Variants in VPS13B observed in about 807,000 individuals in gnomAD.
VPS13B encodes the protein intermembrane lipid transfer protein VPS13B.
VPS13B carries 285 observed loss-of-function variants against 426.4 expected under a neutral mutation model. The ratio of observed to expected loss-of-function variants is 0.67; its 90% CI spans 0.61 to 0.74. The LOEUF is 0.74. Ranked by LOEUF, VPS13B falls within the 30% of genes least tolerant of loss-of-function variation. The pLI is 0.00. For synonymous variants in VPS13B, 1,676 were observed against 1,676.4 expected, an observed-to-expected ratio of 1.00 and a Z score of 0.01; for missense variants, 4,537 against 4,782.6, an observed-to-expected ratio of 0.95 and a Z score of 1.51.
chr8:99,843,023 A>G (rs529699765), intron 54 of VPS13B, among the ~76,000 whole-genome samples: 1 of 152,052 alleles, frequency 6.6e-6, no homozygotes, highest in African/African-American at 2.4e-5. Flanking sequence ...CATGGTGGCA[A>G]ACGCCTGTAA....
intron 19 of VPS13B, among the ~76,000 whole-genome samples, chr8:99,336,675 A>G (rs952071258): frequency 6.6e-6 from 1 of 152,248 alleles, no homozygotes; most frequent in Non-Finnish European, 1.5e-5. Flanking sequence ...AGAAAAAATC[A>G]AATAACCCCA....
intron 40 of VPS13B, among the ~76,000 whole-genome samples, chr8:99,773,821 G>A (rs1490036885): frequency 1.3e-5 from 2 of 152,152 alleles, no homozygotes; most frequent in Non-Finnish European, 2.9e-5. Flanking sequence ...TCTGGGAAAA[G>A]GGGAAATATT....
intron 25 of VPS13B, among the ~76,000 whole-genome samples, chr8:99,498,733 GTGTT>G (rs1821066181): frequency 1.3e-5 from 2 of 152,030 alleles, no homozygotes; most frequent in South Asian, 4.1e-4. Flanking sequence ...GCAGCTTCCT[GTGTT>G]TCAGTCTGAG....
At chr8:99,348,696 A>T (rs1023895390) in intron 19 of VPS13B, among the ~76,000 whole-genome samples, 1 of 152,200 alleles carries the variant, frequency 6.6e-6, no homozygotes, top group Non-Finnish European at 1.5e-5. Context: ...AATAAAGTAC[A>T]ATCATTACTT....
intron 53 of VPS13B, 40 bp downstream of exon 53, chr8:99,835,364 G>T: frequency 1.3e-6 from 2 of 1,592,078 alleles, no homozygotes; most frequent in Non-Finnish European, 8.6e-7. Flanking sequence ...TACTAAATGT[G>T]TATTTTTTCT....
chr8:99,708,849 CTA>C (rs1554916985), intron 36 of VPS13B, among the ~76,000 whole-genome samples: 1 of 147,222 alleles, frequency 6.8e-6, no homozygotes, highest in Non-Finnish European at 1.5e-5. Context: ...CTCTCTCTCT[CTA>C]TATATATATA....
At chr8:99,605,700 C>T (rs772835663) in intron 33 of VPS13B, among the ~76,000 whole-genome samples, 3 of 152,152 alleles carry the variant, frequency 2.0e-5, no homozygotes, top group Non-Finnish European at 4.4e-5. Flanking sequence ...GTGGGTGTCT[C>T]TCTATCTGTG....
In VPS13B at chr8:99,720,566, G is replaced by A; in HGVS notation, c.6865+14G>A. On this transcript the variant is annotated intron_variant, in intron 38 of 61. Coordinates refer to ENST00000357162, the MANE Select transcript of VPS13B (RefSeq NM_152564.5). ...TACAGGATGCTGGTAAGTAGCAACA[G>A]ACTCAGTATGAGAGTGTCTCTGTGC... The A allele has an allele frequency of 2.5e-6, 4 of 1,609,864 alleles. No individual in the cohort carries two copies. The highest frequency in any genetic ancestry group is 1.3e-5 in the African/African-American group (1 of 74,984).
chr8:99,415,046 T>C (rs938885037), intron 21 of VPS13B, among the ~76,000 whole-genome samples: 4 of 152,186 alleles, frequency 2.6e-5, no homozygotes, highest in African/African-American at 9.6e-5. Flanking sequence ...GGTACACCAA[T>C]CAAATGTATG....
At chr8:99,560,157 C>T (rs934277392) in intron 31 of VPS13B, among the ~76,000 whole-genome samples, 84 of 152,164 alleles carry the variant, frequency 5.5e-4, no homozygotes, top group Non-Finnish European at 1.0e-3. Context: ...GTATTTTATT[C>T]TCTTTGAAGC....
At chr8:99,024,309 A>G (rs1774259999) in intron 2 of VPS13B, among the ~76,000 whole-genome samples, 1 of 152,184 alleles carries the variant, frequency 6.6e-6, no homozygotes, top group African/African-American at 2.4e-5. Context: ...TGTGCTATTG[A>G]GTTGTTTGAG....
At chr8:99,576,546 T>A (rs1050922392) in intron 32 of VPS13B, among the ~76,000 whole-genome samples, 3 of 152,142 alleles carry the variant, frequency 2.0e-5, no homozygotes, top group African/African-American at 7.2e-5. Flanking sequence ...CTTCATGGCT[T>A]TATTAAAAGC....
At chr8:99,470,665 C>T (rs1045858042) in intron 24 of VPS13B, among the ~76,000 whole-genome samples, 1 of 149,268 alleles carries the variant, frequency 6.7e-6, no homozygotes, top group Non-Finnish European at 1.5e-5. Context: ...ATAGAAAAGT[C>T]GAATATTGTG....
At chr8:99,569,008 G>A (rs1825334960) in intron 31 of VPS13B, among the ~76,000 whole-genome samples, 2 of 151,580 alleles carry the variant, frequency 1.3e-5, no homozygotes, top group Admixed American at 1.3e-4. Flanking sequence ...ATTTTTAGTA[G>A]AGACGGGGTC....
At chr8:99,853,309 A>C (rs1312578954) in intron 55 of VPS13B, 142 bp from the exon 56 acceptor site, 9 of 819,198 alleles carry the variant, frequency 1.1e-5, no homozygotes, top group South Asian at 3.5e-5. Context: ...CAATGTACTG[A>C]AAGTTGAGTT....
intron 35 of VPS13B, among the ~76,000 whole-genome samples, chr8:99,664,659 A>G (rs943670613): frequency 6.6e-6 from 1 of 152,006 alleles, no homozygotes; most frequent in Admixed American, 6.6e-5. Flanking sequence ...ATCCTTTTTT[A>G]TGGCTGCATA....
intron 43 of VPS13B, among the ~76,000 whole-genome samples, chr8:99,800,551 T>C (rs1405628931): frequency 6.6e-6 from 1 of 152,186 alleles, no homozygotes; most frequent in Non-Finnish European, 1.5e-5. Flanking sequence ...ATCTTTCTCA[T>C]TAAATCTTTT....
At chr8:99,444,268 T>C (rs1217470601) in intron 23 of VPS13B, among the ~76,000 whole-genome samples, 2 of 151,904 alleles carry the variant, frequency 1.3e-5, no homozygotes, top group Non-Finnish European at 2.9e-5. Flanking sequence ...CCAGGTAATT[T>C]TTGTATTTTT....
At position 99,223,651 on chromosome 8, in the gene VPS13B, G is replaced by A. The variant is rs149099500; in HGVS notation, c.2515+30594G>A. ...AATAGTACAAAGGATATATGGATAGGGTAGTAATAAAGTTGGTATACAAAT... is the reference window on the plus strand; with the variant it reads ...AATAGTACAAAGGATATATGGATAGAGTAGTAATAAAGTTGGTATACAAAT... On this transcript the variant is annotated intron_variant, in intron 17 of 61. Transcript: ENST00000357162. Among the ~76,000 whole-genome samples the A allele has an allele frequency of 3.4e-3, 521 of 152,016 alleles. 2 individuals are homozygous for A. The highest frequency in any genetic ancestry group is 0.012 in the African/African-American group (499 of 41,430).
Sources: gnomAD v4.1 joint callset for allele counts (sites outside exome capture counted in the v4.1 genomes callset) on GRCh38, gnomAD v4.1.1 for gene constraint, MANE v1.5 for transcripts, NCBI Gene and HGNC (gene_info 2026-07-23, HGNC 2026-07-21) for gene names.